ZNF628: variants seen among roughly 807,000 people sequenced by gnomAD.
The protein encoded by ZNF628 is zinc finger protein Zec.
A neutral mutation model predicts 2.5 loss-of-function variants in ZNF628; 3 were observed. That is an observed-to-expected ratio of 1.19 (90% CI 0.54 to 3.07). The LOEUF (loss-of-function observed/expected upper bound fraction) is 3.07. Ranked by LOEUF, ZNF628 falls within the 30% of genes most tolerant of loss-of-function variation. The pLI, the probability that ZNF628 is intolerant of heterozygous loss-of-function variation, is 0.03. For missense variants in ZNF628, 1,610 were observed against 1,517.1 expected (o/e 1.06, Z -1.02); for synonymous variants, 861 against 717.1 (o/e 1.20, Z -3.21).
At chr19:55,478,896 C>T (rs1234713282) in intron 1 of ZNF628, among the ~76,000 whole-genome samples, 1 of 152,016 alleles carries the variant, frequency 6.6e-6, no homozygotes, top group African/African-American at 2.4e-5. Flanking sequence ...AAGTTGGGGG[C>T]GAGGAGCAGA....
In ZNF628 at chr19:55,481,838, C is replaced by A; in HGVS notation, c.645C>A (p.His215Gln). ...RCPLCPKTFT[H>Q]SSNLLLHQRT... Reference sequence around the variant, plus strand: ...CGCTCTGCCCCAAGACCTTCACCCACTCCTCCAACCTGCTGCTGCACCAGC... The same window carrying A: ...CGCTCTGCCCCAAGACCTTCACCCAATCCTCCAACCTGCTGCTGCACCAGC... The change falls in exon 3 of 3, where the codon CAC (histidine) becomes CAA (glutamine). Residue 215 changes from histidine to glutamine, a missense_variant. Coordinates refer to ENST00000598519, the MANE Select transcript of ZNF628 (RefSeq NM_033113.3). 6.3e-7 allele frequency: 1 copy of A among 1,592,466 alleles called. No individual in the cohort carries two copies. Among genetic ancestry groups the A allele is most frequent in the Non-Finnish European group, 8.5e-7 (1 of 1,171,256 alleles).
At chr19:55,478,635 C>CA (rs1306038101) in intron 1 of ZNF628, among the ~76,000 whole-genome samples, 1 of 152,230 alleles carries the variant, frequency 6.6e-6, no homozygotes, top group African/African-American at 2.4e-5. Context: ...GTATTGGGAA[C>CA]AGACGGGTGG....
In ZNF628 at chr19:55,483,827, T is replaced by A. The variant is rs951693222; in HGVS notation, c.2634T>A (p.Ser878Arg). ...TGGCCGGCCAGCTCTCCAATTCCAGTGGGGGAGCTGTGGCTACTGAGGCAC... is the reference window on the plus strand; with the variant it reads ...TGGCCGGCCAGCTCTCCAATTCCAGAGGGGGAGCTGTGGCTACTGAGGCAC... ...QPVAGQLSNS[S>R]GGAVATEAPN... Residue 878 changes from serine to arginine, a missense_variant, in exon 3 of 3, where the codon AGT becomes AGA. Transcript: ENST00000598519. 50 of 1,613,088 alleles carry A rather than the reference T, an allele frequency of 3.1e-5. No individual in the cohort carries two copies. Among genetic ancestry groups the A allele is most frequent in the Non-Finnish European group, 4.0e-5 (47 of 1,179,710 alleles).
rs773500584 is a variant in ZNF628 at position 55,482,807 on chromosome 19, C to T, written c.1614C>T (p.Tyr538=). The change falls in exon 3 of 3, where the codon TAC becomes TAT. Residue 538 remains tyrosine (Y), a synonymous_variant. Transcript: ENST00000598519. ...HLRLHSGERP[Y]ACGECGKAFR... is the part of the protein sequence containing the mutation. ...GGCTGCACTCTGGCGAGCGGCCCTA[C>T]GCCTGCGGGGAGTGTGGCAAGGCCT... 2.6e-5 allele frequency: 42 copies of T among 1,610,934 alleles called. No individual in the cohort carries two copies. The Admixed American group carries it at 5.8e-4, about 22-fold the overall frequency.
rs1986701507 is a variant in ZNF628, at chr19:55,481,564, A to G, written c.371A>G (p.Gln124Arg). Reference sequence around the variant, plus strand: ...GGCCTGCGGGCCTTCATCTGCGGCCAGTGCGGCCTGGCCTTCAAGTGGTCG... The same window carrying G: ...GGCCTGCGGGCCTTCATCTGCGGCCGGTGCGGCCTGGCCTTCAAGTGGTCG... ...HTGLRAFICG[Q>R]CGLAFKWSSH... Residue 124 changes from glutamine (Q) to arginine (R), a missense_variant, in exon 3 of 3, where the codon CAG becomes CGG. Around this residue, in one of 5 missense-constraint regions of ZNF628, gnomAD observed 166 missense variants for 241.3 expected, o/e 0.69. Coordinates refer to ENST00000598519, the MANE Select transcript of ZNF628 (RefSeq NM_033113.3). 3 of 1,612,586 alleles carry G rather than the reference A, an allele frequency of 1.9e-6. No homozygotes were observed. The highest frequency in any genetic ancestry group is 1.7e-5 in the Admixed American group (1 of 59,912).
In ZNF628 at chr19:55,483,400, C is replaced by G. The variant is rs542323331; in HGVS notation, c.2207C>G (p.Pro736Arg). ...SSVQPPTPPP[P>R]PAPPKLILLP... Reference sequence around the variant, plus strand: ...GTGCAGCCCCCTACACCTCCGCCCCCTCCCGCACCTCCCAAGCTCATCCTG... The same window carrying G: ...GTGCAGCCCCCTACACCTCCGCCCCGTCCCGCACCTCCCAAGCTCATCCTG... Residue 736 changes from proline to arginine, a missense_variant, in exon 3 of 3, where the codon CCT (proline) becomes CGT (arginine). This residue lies in a region of ZNF628 where 712 missense variants were observed against 603.6 expected (regional missense o/e 1.18). Transcript: ENST00000598519. 1.3e-6 allele frequency: 2 copies of G among 1,529,364 alleles called. No homozygotes were observed. The highest frequency in any genetic ancestry group is 2.1e-5 in the Admixed American group (1 of 48,674). 94.7% of individuals were successfully genotyped at this position (1,529,364 alleles called of 1,614,324 possible).
Position 55,481,775 on chromosome 19 carries a change from C to T in ZNF628, c.582C>T (p.His194=). Reference sequence around the variant, plus strand: ...CGCAGAGCACCAACCTGCGGCAGCACCAGCGCGTGCACACGGGCGAGCGGC... The same window carrying T: ...CGCAGAGCACCAACCTGCGGCAGCATCAGCGCGTGCACACGGGCGAGCGGC... The part of the protein sequence containing the change: ...SFTQSTNLRQ[H]QRVHTGERPF... Residue 194 remains histidine (H), a synonymous_variant, in exon 3 of 3, where the codon CAC becomes CAT. Coordinates refer to ENST00000598519, the MANE Select transcript of ZNF628 (RefSeq NM_033113.3). 1 of 1,609,374 alleles carries T rather than the reference C, an allele frequency of 6.2e-7. No homozygotes were observed. Among genetic ancestry groups the T allele is most frequent in the South Asian group, 1.1e-5 (1 of 90,622 alleles).
chr19:55,478,529 G>T (rs1986618538), intron 1 of ZNF628, among the ~76,000 whole-genome samples: 1 of 152,238 alleles, frequency 6.6e-6, no homozygotes, highest in African/African-American at 2.4e-5. Flanking sequence ...CAGGCTGCAG[G>T]AAGTCGGCAG....
In ZNF628 at chr19:55,481,329, C is replaced by T. The variant is rs1986693003; in HGVS notation, c.136C>T (p.Arg46Trp). The change falls in exon 3 of 3, where the codon CGG becomes TGG. Residue 46 changes from arginine (R) to tryptophan (W), a missense_variant. Around this residue, in one of 5 missense-constraint regions of ZNF628, gnomAD observed 166 missense variants for 241.3 expected, o/e 0.69. Coordinates refer to ENST00000598519, the MANE Select transcript of ZNF628 (RefSeq NM_033113.3). ...ATGTGGGGAGTGTGGCAAGTCATTC[C>T]GGTGGTCGTCCCGGCTCCTGCACCA... ...YECGECGKSF[R>W]WSSRLLHHQR... 4 of 1,611,624 alleles carry T rather than the reference C, an allele frequency of 2.5e-6. No individual in the cohort carries two copies. Among genetic ancestry groups the T allele is most frequent in the Non-Finnish European group, 3.4e-6 (4 of 1,179,400 alleles).
At position 55,481,419 on chromosome 19, in the gene ZNF628, T is replaced by C; in HGVS notation, c.226T>C (p.Ser76Pro). ...CPDCPKAFKGSSALLYHQRGH... is the reference protein window; with the variant it reads ...CPDCPKAFKGPSALLYHQRGH... ...AGACTGCCCCAAGGCTTTCAAAGGC[T>C]CCTCGGCCCTGCTCTACCACCAGCG... The change falls in exon 3 of 3, where the codon TCC becomes CCC. Residue 76 changes from serine to proline, a missense_variant. By Grantham distance (74) the Ser-to-Pro change is moderately conservative (BLOSUM62 -1). Coordinates refer to ENST00000598519, the MANE Select transcript of ZNF628 (RefSeq NM_033113.3). 6.2e-7 allele frequency: 1 copy of C among 1,611,368 alleles called. No individual in the cohort carries two copies. The highest frequency in any genetic ancestry group is 8.5e-7 in the Non-Finnish European group (1 of 1,179,290).
chr19:55,483,832 G>C lies in ZNF628; in HGVS notation c.2639G>C (p.Gly880Ala). 6.2e-7 allele frequency: 1 copy of C among 1,613,460 alleles called. No homozygotes were observed. The highest frequency in any genetic ancestry group is 8.5e-7 in the Non-Finnish European group (1 of 1,179,738). Residue 880 changes from glycine to alanine, a missense_variant, in exon 3 of 3, where the codon GGA (glycine) becomes GCA (alanine). Around this residue, in one of 5 missense-constraint regions of ZNF628, gnomAD observed 712 missense variants for 603.6 expected, o/e 1.18. Transcript: ENST00000598519. ...VAGQLSNSSG[G>A]AVATEAPNLL... ...GGCCAGCTCTCCAATTCCAGTGGGG[G>C]AGCTGTGGCTACTGAGGCACCCAAC...
chr19:55,480,610 A>G (rs1295370606), intron 2 of ZNF628, among the ~76,000 whole-genome samples: 1 of 152,034 alleles, frequency 6.6e-6, no homozygotes, highest in East Asian at 1.9e-4. Context: ...TAATAGAGAC[A>G]GGGTTTGACC....
rs1986745751 is a variant in ZNF628, at chr19:55,482,360, C to T, written c.1167C>T (p.Gly389=). 1.4e-6 allele frequency: 2 copies of T among 1,440,784 alleles called. No homozygotes were observed. Among genetic ancestry groups the T allele is most frequent in the Admixed American group, 2.7e-5 (1 of 36,980 alleles). The allele number at this position is 1,440,784 out of a possible 1,614,324, so 89.2% of individuals were successfully genotyped here. A position where few individuals can be genotyped will look rare whatever the true frequency, so the allele number is the denominator to read the frequency against. Residue 389 remains glycine, a synonymous_variant, in exon 3 of 3, where the codon GGC becomes GGT. Transcript: ENST00000598519. ...CCGGCGGGCAAGCGTTCCGCTGCGG[C>T]AGCTGCGACGGCTCCTTCCCGCAGC... ...GAAGGQAFRC[G]SCDGSFPQLA...
intron 1 of ZNF628, among the ~76,000 whole-genome samples, chr19:55,478,568 C>G (rs1002946866): frequency 6.6e-6 from 1 of 152,198 alleles, no homozygotes; most frequent in East Asian, 1.9e-4. Context: ...TGGCAGATTT[C>G]TGAGTACAGG....
In ZNF628 at chr19:55,483,383, C is replaced by G; in HGVS notation, c.2190C>G (p.Pro730=). 2 of 1,540,610 alleles carry G rather than the reference C, an allele frequency of 1.3e-6. No homozygotes were observed. The highest frequency in any genetic ancestry group is 1.2e-5 in the South Asian group (1 of 83,386). The change falls in exon 3 of 3, where the codon CCC becomes CCG. Residue 730 remains proline, a synonymous_variant. Transcript: ENST00000598519. ...AGCTGATCCCCAGCAGCGTGCAGCC[C>G]CCTACACCTCCGCCCCCTCCCGCAC... ...GLQLIPSSVQ[P]PTPPPPPAPP... is the part of the protein sequence containing the mutation.
rs1449406604 is a variant in ZNF628, at chr19:55,482,099, G to A, written c.906G>A (p.Gln302=). 7.3e-6 allele frequency: 11 copies of A among 1,511,168 alleles called. No individual in the cohort carries two copies. The highest frequency in any genetic ancestry group is 9.7e-6 in the Non-Finnish European group (11 of 1,131,566). 93.6% of individuals were successfully genotyped at this position (1,511,168 alleles called of 1,614,324 possible). A position where few individuals can be genotyped will look rare whatever the true frequency, so the allele number is the denominator to read the frequency against. ...TGTACCGCTGCGATGGCTGCGAGCA[G>A]GGATTCAGCAGCGAGGAGCTGCTCC... is the stretch of plus-strand genomic sequence containing the variant. ...ELVYRCDGCE[Q]GFSSEELLLE... is the part of the protein sequence containing the mutation. The change falls in exon 3 of 3, where the codon CAG becomes CAA. Residue 302 remains glutamine (Q), a synonymous_variant. Coordinates refer to ENST00000598519, the MANE Select transcript of ZNF628 (RefSeq NM_033113.3).
chr19:55,483,752 G>C lies in ZNF628; in HGVS notation c.2559G>C (p.Thr853=), dbSNP rs757029887. 3 of 1,612,834 alleles carry C rather than the reference G, an allele frequency of 1.9e-6. No individual in the cohort carries two copies. Among genetic ancestry groups the C allele is most frequent in the South Asian group, 1.1e-5 (1 of 90,990 alleles). ...VQLQPAQEVT[T]VQLQPAQEVT... ...TCCAGCCAGCACAGGAAGTAACCAC[G>C]GTCCAGCTCCAGCCAGCACAGGAGG... Residue 853 remains threonine, a synonymous_variant, in exon 3 of 3, where the codon ACG becomes ACC. Coordinates refer to ENST00000598519, the MANE Select transcript of ZNF628 (RefSeq NM_033113.3).
Position 55,483,129 on chromosome 19 carries a change from C to T in ZNF628, c.1936C>T (p.Pro646Ser). The T allele has an allele frequency of 6.3e-7, 1 of 1,588,912 alleles. No homozygotes were observed. The highest frequency in any genetic ancestry group is 8.5e-7 in the Non-Finnish European group (1 of 1,173,396). Reference sequence around the variant, plus strand: ...GCAGCGGCACCTGAGGACGCACGCCCCGGCCAACACGCCTCCCAGCACCAC... The same window carrying T: ...GCAGCGGCACCTGAGGACGCACGCCTCGGCCAACACGCCTCCCAGCACCAC... The part of the protein sequence containing the change: ...YLQRHLRTHA[P>S]ANTPPSTTAP... Residue 646 changes from proline (P) to serine (S), a missense_variant, in exon 3 of 3, where the codon CCG becomes TCG. Around this residue, in one of 5 missense-constraint regions of ZNF628, gnomAD observed 712 missense variants for 603.6 expected, o/e 1.18. Transcript: ENST00000598519.
chr19:55,480,054 C>T (rs1986659180), intron 2 of ZNF628, 137 bp downstream of exon 2: 2 of 394,950 alleles, frequency 5.1e-6, no homozygotes, highest in Non-Finnish European at 8.9e-6. Context: ...GTCATGGCCA[C>T]CTGCAGCGTT....
Sources: gnomAD v4.1 joint callset for allele counts (sites outside exome capture counted in the v4.1 genomes callset) on GRCh38, gnomAD v4.1.1 for gene constraint, gnomAD v4.1.1 regional missense constraint, MANE v1.5 for transcripts, NCBI Gene and HGNC (gene_info 2026-07-23, HGNC 2026-07-21) for gene names.